The following SEMA3C variants were observed in gnomAD, a reference collection of about 807,000 sequenced individuals.
SEMA3C encodes semaphorin 3C.
Under a neutral mutation model 89.4 loss-of-function variants are expected in SEMA3C, and 47 were observed. The observed-to-expected ratio is 0.53, with a 90% CI of 0.42 to 0.67. SEMA3C has a LOEUF of 0.67. Among genes scored for constraint, SEMA3C ranks in the 30% least tolerant of loss-of-function variants. SEMA3C has a pLI of 0.00. For synonymous variants in SEMA3C, 310 were observed against 320.2 expected, an observed-to-expected ratio of 0.97 and a Z score of 0.34; for missense variants, 839 against 929.1, an observed-to-expected ratio of 0.90 and a Z score of 1.26.
chr7:80,793,600 T>C (rs1562877614), intron 11 of SEMA3C: 2 of 380,032 alleles, frequency 5.3e-6, no homozygotes, highest in Non-Finnish European at 5.1e-6. Context: ...TTAGGATCAA[T>C]TTCCCTACAT....
At chr7:80,791,366 A>G (rs1125569) in intron 11 of SEMA3C, among the ~76,000 whole-genome samples, 4,288 of 152,288 alleles carry the variant, frequency 0.028, 188 homozygotes, top group African/African-American at 0.085. Context: ...GTTATTAAAT[A>G]CCTGTCAATA....
At position 80,767,330 on chromosome 7, in the gene SEMA3C, A is replaced by G. The variant is rs556302094; in HGVS notation, c.1355-2087T>C. Among the ~76,000 whole-genome samples, 8 of 152,334 alleles carry G rather than the reference A, an allele frequency of 5.3e-5. No individual in the cohort carries two copies. The South Asian group carries it at 1.7e-3, about 32-fold the overall frequency. ...AGATGATCCAAATAAGCTGAATCAAATCAGAAATTTACTCATATGTCCCAA... is the reference window on the plus strand; with the variant it reads ...AGATGATCCAAATAAGCTGAATCAAGTCAGAAATTTACTCATATGTCCCAA... On this transcript the variant is annotated intron_variant, in intron 12 of 17. Transcript: ENST00000265361.
At chr7:80,862,144 A>G (rs1790786970) in intron 2 of SEMA3C, among the ~76,000 whole-genome samples, 1 of 152,150 alleles carries the variant, frequency 6.6e-6, no homozygotes, top group Non-Finnish European at 1.5e-5. Context: ...GTAAAGAGGA[A>G]GTCATACTGT....
At chr7:80,748,806 C>A in intron 17 of SEMA3C, 92 bp downstream of exon 17, 1 of 1,281,218 alleles carries the variant, frequency 7.8e-7, no homozygotes, top group South Asian at 1.6e-5. Context: ...ATATGCCTTT[C>A]CTTTTTCCTT....
At chr7:80,768,475 C>T (rs923289864) in intron 12 of SEMA3C, among the ~76,000 whole-genome samples, 1 of 150,706 alleles carries the variant, frequency 6.6e-6, no homozygotes, top group Non-Finnish European at 1.5e-5. Flanking sequence ...GATCGCGCCA[C>T]TGCACTCCAG....
chr7:80,890,340 G>A (rs1791581989), intron 2 of SEMA3C, among the ~76,000 whole-genome samples: 1 of 152,028 alleles, frequency 6.6e-6, no homozygotes, highest in Non-Finnish European at 1.5e-5. Flanking sequence ...TTTGGTTGTG[G>A]CCCCCTTTTC....
intron 4 of SEMA3C, among the ~76,000 whole-genome samples, chr7:80,822,337 G>A (rs1789769209): frequency 6.7e-6 from 1 of 149,808 alleles, no homozygotes; most frequent in South Asian, 2.1e-4. Flanking sequence ...GAATAATTTA[G>A]AGATTTTCAC....
intron 15 of SEMA3C, among the ~76,000 whole-genome samples, chr7:80,754,964 T>TTTTGTTTTTTTTTG (rs765917535): frequency 1.5e-5 from 2 of 129,148 alleles, no homozygotes; most frequent in African/African-American, 5.5e-5. Context: ...TTTGTTTTTT[T>TTTTGTTTTTTTTTG]TTTTTTTGTA....
chr7:80,899,338 G>A (rs925159523), intron 2 of SEMA3C, among the ~76,000 whole-genome samples: 1 of 152,166 alleles, frequency 6.6e-6, no homozygotes. Context: ...ACTGTGCTCG[G>A]CCTCAACTTA....
chr7:80,755,200 T>C (rs1788038049), intron 15 of SEMA3C, among the ~76,000 whole-genome samples: 1 of 151,728 alleles, frequency 6.6e-6, no homozygotes, highest in Admixed American at 6.6e-5. Context: ...CATGATAGAC[T>C]CATTTCTTTG....
At chr7:80,903,836 C>G (rs574125494) in intron 2 of SEMA3C, among the ~76,000 whole-genome samples, 50 of 152,052 alleles carry the variant, frequency 3.3e-4, no homozygotes, top group Non-Finnish European at 4.6e-4. Context: ...AGAACCTGTT[C>G]CCACTTCCAC....
At chr7:80,776,944 AG>A in intron 12 of SEMA3C, among the ~76,000 whole-genome samples, 1 of 152,156 alleles carries the variant, frequency 6.6e-6, no homozygotes, top group African/African-American at 2.4e-5. Context: ...TTAAATGCAT[AG>A]CTATATACTA....
At chr7:80,843,220 C>T (rs1203820259) in intron 2 of SEMA3C, among the ~76,000 whole-genome samples, 2 of 152,116 alleles carry the variant, frequency 1.3e-5, no homozygotes, top group Non-Finnish European at 2.9e-5. Context: ...GTTTCCAACA[C>T]ATTCAAATGA....
intron 2 of SEMA3C, among the ~76,000 whole-genome samples, chr7:80,864,444 T>C (rs1045872154): frequency 1.3e-5 from 2 of 152,140 alleles, no homozygotes; most frequent in African/African-American, 4.8e-5. Context: ...AATGTATCTC[T>C]TTCCTTAGAG....
intron 12 of SEMA3C, among the ~76,000 whole-genome samples, chr7:80,782,932 GA>G (rs1562873008): frequency 6.6e-6 from 1 of 151,994 alleles, no homozygotes; most frequent in Non-Finnish European, 1.5e-5. Context: ...AAATATTTTA[GA>G]AATCTGTAAA....
intron 7 of SEMA3C, among the ~76,000 whole-genome samples, chr7:80,805,004 A>G (rs1002157786): frequency 2.6e-5 from 4 of 152,072 alleles, no homozygotes; most frequent in African/African-American, 9.7e-5. Context: ...TCTAAACAAC[A>G]GCAATTGATT....
At chr7:80,749,190 A>G (rs1203612594) in intron 16 of SEMA3C, among the ~76,000 whole-genome samples, 162 bp from the exon 17 acceptor site, 3 of 152,206 alleles carry the variant, frequency 2.0e-5, no homozygotes, top group African/African-American at 7.2e-5. Flanking sequence ...CAAGCAAAAT[A>G]GGATACGTTG....
intron 9 of SEMA3C, 115 bp downstream of exon 9, chr7:80,802,550 G>C: frequency 1.6e-6 from 1 of 616,514 alleles, no homozygotes; most frequent in Non-Finnish European, 2.8e-6. Flanking sequence ...TTTTAAATTA[G>C]CATATTATTT....
intron 2 of SEMA3C, among the ~76,000 whole-genome samples, chr7:80,909,082 GTGTA>G (rs1562981243): frequency 1.3e-5 from 2 of 152,124 alleles, no homozygotes; most frequent in Non-Finnish European, 2.9e-5. Context: ...ATGTGAGTGT[GTGTA>G]TGTGTGTGTG....
Sources: gnomAD v4.1 joint callset for allele counts (sites outside exome capture counted in the v4.1 genomes callset) on GRCh38, gnomAD v4.1.1 for gene constraint, MANE v1.5 for transcripts, NCBI Gene and HGNC (gene_info 2026-07-23, HGNC 2026-07-21) for gene names.